The following SLC6A3 variants were observed in gnomAD, a reference collection of about 807,000 sequenced individuals.
SLC6A3 encodes the protein sodium-dependent dopamine transporter.
Under a neutral mutation model 70.4 loss-of-function variants are expected in SLC6A3, and 19 were observed. The ratio of observed to expected loss-of-function variants is 0.27; its 90% CI spans 0.19 to 0.40. SLC6A3 has a LOEUF of 0.40. Ranked by LOEUF, SLC6A3 falls within the 10% of genes least tolerant of loss-of-function variation. The probability of loss-of-function intolerance (pLI) is 1.00; values close to 1 mark genes in which losing one functional copy is unlikely to be tolerated. For synonymous variants in SLC6A3, 368 were observed against 356.6 expected, an observed-to-expected ratio of 1.03 and a Z score of -0.36; for missense variants, 613 against 838.5, an observed-to-expected ratio of 0.73 and a Z score of 3.32.
rs1755787428 is a variant in SLC6A3, at chr5:1,399,114, AATAATAGGT to A, written c.1839+1792_1839+1800del. 9.2e-5 allele frequency among the ~76,000 whole-genome samples: 14 copies of A among 152,356 alleles called. No individual in the cohort carries two copies. In the South Asian group the frequency reaches 2.9e-3, roughly 32 times the overall value. ...CCTAAAGAAGTCTCAATACATTTTA[AATAATAGGT>A]ATCATATGTGTTTGAGAACAATGAA... is the stretch of plus-strand genomic sequence containing the variant. On this transcript the variant is annotated intron_variant, in intron 14 of 14. Coordinates refer to ENST00000270349, the MANE Select transcript of SLC6A3 (RefSeq NM_001044.5).
At chr5:1,439,509 G>T (rs1028943162) in intron 3 of SLC6A3, among the ~76,000 whole-genome samples, 1 of 152,214 alleles carries the variant, frequency 6.6e-6, no homozygotes, top group African/African-American at 2.4e-5. Flanking sequence ...CATTTCCACG[G>T]CTGCGAGACT....
Position 1,406,809 on chromosome 5 carries a change from A to AGC in SLC6A3, c.1499-522_1499-521insGC, listed in dbSNP as rs1755992606. 1.3e-5 allele frequency among the ~76,000 whole-genome samples: 2 copies of AGC among 148,902 alleles called. No homozygotes were observed. Among genetic ancestry groups the AGC allele is most frequent in the Non-Finnish European group, 3.0e-5 (2 of 65,892 alleles). ...GAAACGCCAACTCCTCCCGACCCCC[A>AGC]ACCCCCGCCAGGCCCCAGCACCATC... On this transcript the variant is annotated intron_variant, in intron 11 of 14. Transcript: ENST00000270349. The surrounding 1 kb of genome is among the most constrained non-coding windows in gnomAD (Gnocchi z 8.8).
rs2975284 is a variant in SLC6A3, at chr5:1,432,437, G to A, written c.653+27C>T. 7.5e-3 allele frequency: 11,768 copies of A among 1,566,806 alleles called. 453 individuals are homozygous for A. The African/African-American group carries it at 0.094, about 12-fold the overall frequency. ...GGGACCTGGCTGCGCCATCTCTCCCGTTCCCGAGGACCCGACTCCCACTTA... is the reference window on the plus strand; with the variant it reads ...GGGACCTGGCTGCGCCATCTCTCCCATTCCCGAGGACCCGACTCCCACTTA... On this transcript the variant is annotated intron_variant, in intron 4 of 14. Coordinates refer to ENST00000270349, the MANE Select transcript of SLC6A3 (RefSeq NM_001044.5).
chr5:1,431,051 G>C (rs913012168), intron 4 of SLC6A3, among the ~76,000 whole-genome samples: 1 of 151,930 alleles, frequency 6.6e-6, no homozygotes. Flanking sequence ...TGGATCTGGG[G>C]AGAATCGCGC....
Position 1,406,453 on chromosome 5 carries a change from T to G in SLC6A3, c.1499-165A>C, listed in dbSNP as rs1289214905. Among the ~76,000 whole-genome samples the G allele has an allele frequency of 1.3e-5, 2 of 152,164 alleles. No individual in the cohort carries two copies. Among genetic ancestry groups the G allele is most frequent in the East Asian group, 3.9e-4 (2 of 5,170 alleles). On this transcript the variant is annotated intron_variant, in intron 11 of 14. Coordinates refer to ENST00000270349, the MANE Select transcript of SLC6A3 (RefSeq NM_001044.5). This position sits in a 1 kb window ranked among gnomAD's most constrained non-coding sequence, Gnocchi z 8.8. ...GAGGCCAGGCCACACCCCAGCCCAC[T>G]GGGTGCCTCGCTGACGGGTGGGAGC...
In SLC6A3 at chr5:1,413,017, T is replaced by C. The variant is rs1756165068; in HGVS notation, c.1157-1662A>G. ...TCAGGGAATGTAATGTCAACACCCG[T>C]GCCTTCGTTTCTGTACCTAAGTTAA... On this transcript the variant is annotated intron_variant, in intron 8 of 14. Transcript: ENST00000270349. The surrounding 1 kb of genome is among the most constrained non-coding windows in gnomAD (Gnocchi z 7.1). 6.6e-6 allele frequency among the ~76,000 whole-genome samples: 1 copy of C among 152,234 alleles called. No individual in the cohort carries two copies. The highest frequency in any genetic ancestry group is 2.4e-5 in the African/African-American group (1 of 41,476).
chr5:1,422,575 C>T (rs1484383917), intron 4 of SLC6A3, among the ~76,000 whole-genome samples: 13 of 78,986 alleles, frequency 1.6e-4, no homozygotes, highest in South Asian at 1.1e-3. Context: ...GTGCTGCCCA[C>T]GCTGCTGGGT....
intron 8 of SLC6A3, among the ~76,000 whole-genome samples, 172 bp downstream of exon 8, chr5:1,414,519 C>CCTGG (rs1756226917): frequency 4.0e-5 from 1 of 24,916 alleles, no homozygotes; most frequent in African/African-American, 1.6e-4. Context: ...TGGGTGGGGG[C>CCTGG]AGGTCTGTAC....
intron 4 of SLC6A3, among the ~76,000 whole-genome samples, chr5:1,424,747 A>G (rs1414176901): frequency 6.6e-6 from 1 of 152,192 alleles, no homozygotes; most frequent in Non-Finnish European, 1.5e-5. Context: ...TTAAACATGA[A>G]AGCAACTTCA....
chr5:1,411,621 C>T lies in SLC6A3; in HGVS notation c.1157-266G>A, dbSNP rs779515198. ...TCCAAATTACCTGGGTCCTTTTGGG[C>T]TATGGGGGTGCTTGGGGAAGGAAGG... On this transcript the variant is annotated intron_variant, in intron 8 of 14. Coordinates refer to ENST00000270349, the MANE Select transcript of SLC6A3 (RefSeq NM_001044.5). The surrounding 1 kb of genome is among the most constrained non-coding windows in gnomAD (Gnocchi z 6.5). Among the ~76,000 whole-genome samples, 75 of 152,322 alleles carry T rather than the reference C, an allele frequency of 4.9e-4. No homozygotes were observed. The highest frequency in any genetic ancestry group is 8.7e-4 in the Non-Finnish European group (59 of 68,026).
chr5:1,421,793 G>T lies in SLC6A3; in HGVS notation c.792+83C>A. 6.8e-7 allele frequency: 1 copy of T among 1,481,416 alleles called. No individual in the cohort carries two copies. Among genetic ancestry groups the T allele is most frequent in the Non-Finnish European group, 9.4e-7 (1 of 1,063,810 alleles). The allele number at this position is 1,481,416 out of a possible 1,614,324, so 91.8% of individuals were successfully genotyped here. On this transcript the variant is annotated intron_variant, in intron 5 of 14. Transcript: ENST00000270349. The surrounding 1 kb of genome is among the most constrained non-coding windows in gnomAD (Gnocchi z 7.2). Reference sequence around the variant, plus strand: ...GCACAAAACCCAACTGAGGCCACACGTGCACCTCCTGTCCAGCCACGGCCA... The same window carrying T: ...GCACAAAACCCAACTGAGGCCACACTTGCACCTCCTGTCCAGCCACGGCCA...
chr5:1,440,795 A>G lies in SLC6A3; in HGVS notation c.418+564T>C, dbSNP rs544338584. On this transcript the variant is annotated intron_variant, in intron 3 of 14. Transcript: ENST00000270349. ...AACAGATGCTTCCTCACAGCCTCAGAAGAAATCAACCCTACAGACACCTTG... is the reference window on the plus strand; with the variant it reads ...AACAGATGCTTCCTCACAGCCTCAGGAGAAATCAACCCTACAGACACCTTG... Among the ~76,000 whole-genome samples, 123 of 152,344 alleles carry G rather than the reference A, an allele frequency of 8.1e-4. 3 individuals are homozygous for G. In the South Asian group the frequency reaches 0.024, roughly 30 times the overall value.
Position 1,436,579 on chromosome 5 carries a change from C to A in SLC6A3, c.419-3881G>T, listed in dbSNP as rs960134618. ...ATTTATTTTTGCTTAGTATCTTTTT[C>A]TTTATATTAACCTTGTGTGTAGTTT... On this transcript the variant is annotated intron_variant, in intron 3 of 14. Coordinates refer to ENST00000270349, the MANE Select transcript of SLC6A3 (RefSeq NM_001044.5). This position sits in a 1 kb window ranked among gnomAD's most constrained non-coding sequence, Gnocchi z 5.2. Among the ~76,000 whole-genome samples, 9 of 152,266 alleles carry A rather than the reference C, an allele frequency of 5.9e-5. No homozygotes were observed. The South Asian group carries it at 8.3e-4, about 14-fold the overall frequency.
chr5:1,431,294 C>T (rs1359376615), intron 4 of SLC6A3, among the ~76,000 whole-genome samples: 1 of 152,254 alleles, frequency 6.6e-6, no homozygotes, highest in Non-Finnish European at 1.5e-5. Flanking sequence ...CCAGCAGGAG[C>T]TGGCACGGGG....
chr5:1,415,102 A>G (rs1756254041), intron 7 of SLC6A3, among the ~76,000 whole-genome samples: 1 of 152,020 alleles, frequency 6.6e-6, no homozygotes, highest in Non-Finnish European at 1.5e-5. Flanking sequence ...CACCTCACCC[A>G]GGGCAGATCT....
At position 1,402,548 on chromosome 5, in the gene SLC6A3, T is replaced by C. The variant is rs571383039; in HGVS notation, c.1767+374A>G. The stretch of plus-strand genomic sequence containing the variant: ...GCATGCACTCAGTACACACAAACAC[T>C]TGGACACGAATGTGAGCACAGACCC... On this transcript the variant is annotated intron_variant, in intron 13 of 14. Coordinates refer to ENST00000270349, the MANE Select transcript of SLC6A3 (RefSeq NM_001044.5). This position sits in a 1 kb window ranked among gnomAD's most constrained non-coding sequence, Gnocchi z 8.5. Among the ~76,000 whole-genome samples, 15 of 152,022 alleles carry C rather than the reference T, an allele frequency of 9.9e-5. No homozygotes were observed. Among genetic ancestry groups the C allele is most frequent in the African/African-American group, 3.6e-4 (15 of 41,454 alleles).
At chr5:1,398,455 T>A (rs1755773012) in intron 14 of SLC6A3, among the ~76,000 whole-genome samples, 1 of 149,440 alleles carries the variant, frequency 6.7e-6, no homozygotes, top group Non-Finnish European at 1.5e-5. Flanking sequence ...GAAAAATCAA[T>A]CTATAAAAAG....
intron 3 of SLC6A3, among the ~76,000 whole-genome samples, chr5:1,439,195 G>A (rs538154420): frequency 6.6e-5 from 10 of 152,204 alleles, no homozygotes; most frequent in East Asian, 1.9e-4. Flanking sequence ...ACCTGACGAC[G>A]GGGACGGAGG....
chr5:1,419,912 A>G (rs1756395230), intron 6 of SLC6A3, among the ~76,000 whole-genome samples: 1 of 148,276 alleles, frequency 6.7e-6, no homozygotes, highest in East Asian at 2.0e-4. Context: ...ATGCCCGCCC[A>G]TCCCTTCTCC....
Sources: gnomAD v4.1 joint callset for allele counts (sites outside exome capture counted in the v4.1 genomes callset) on GRCh38, gnomAD v4.1.1 for gene constraint, Gnocchi (gnomAD v3.1) non-coding constraint, MANE v1.5 for transcripts, NCBI Gene and HGNC (gene_info 2026-07-23, HGNC 2026-07-21) for gene names.